DOCK2: variants seen among roughly 807,000 people sequenced by gnomAD.
The protein encoded by DOCK2 is dedicator of cytokinesis protein 2.
Under a neutral mutation model 248.9 loss-of-function variants are expected in DOCK2, and 87 were observed. That is an observed-to-expected ratio of 0.35 (90% CI 0.29 to 0.42). The LOEUF is 0.42. DOCK2 is among the 10% of genes least tolerant of loss of function. DOCK2 has a pLI of 1.00. For synonymous variants in DOCK2, 805 were observed against 821.6 expected, an observed-to-expected ratio of 0.98 and a Z score of 0.35; for missense variants, 1,747 against 2,300.2, an observed-to-expected ratio of 0.76 and a Z score of 4.92.
At chr5:170,038,682 C>G (rs1026443350) in intron 36 of DOCK2, among the ~76,000 whole-genome samples, 2 of 152,194 alleles carry the variant, frequency 1.3e-5, no homozygotes, top group African/African-American at 4.8e-5. Flanking sequence ...CACCTGCCAT[C>G]TGGAGGTGCT....
At chr5:169,703,002 A>G (rs1761070409) in intron 14 of DOCK2, among the ~76,000 whole-genome samples, 1 of 152,206 alleles carries the variant, frequency 6.6e-6, no homozygotes, top group Non-Finnish European at 1.5e-5. Flanking sequence ...ATATTTATAC[A>G]GCATATGTCC....
intron 27 of DOCK2, among the ~76,000 whole-genome samples, chr5:169,914,758 C>T (rs1294907559): frequency 1.3e-5 from 2 of 152,194 alleles, no homozygotes; most frequent in Non-Finnish European, 2.9e-5. Flanking sequence ...GGTCTTTTAG[C>T]CACCTTTGCC....
At chr5:169,849,958 T>A (rs888497307) in intron 27 of DOCK2, among the ~76,000 whole-genome samples, 1 of 152,246 alleles carries the variant, frequency 6.6e-6, no homozygotes, top group Non-Finnish European at 1.5e-5. Context: ...GTTTACTGTC[T>A]ACTTTTATTT....
chr5:170,061,843 G>A (rs892254700), intron 44 of DOCK2, among the ~76,000 whole-genome samples: 4 of 152,266 alleles, frequency 2.6e-5, no homozygotes, highest in African/African-American at 9.6e-5. Flanking sequence ...CAATCTGAGC[G>A]GTGGTGATAG....
intron 22 of DOCK2, among the ~76,000 whole-genome samples, chr5:169,746,247 ACACT>A (rs916666867): frequency 5.3e-5 from 8 of 152,150 alleles, no homozygotes; most frequent in Non-Finnish European, 1.0e-4. Context: ...AGAGTGATTG[ACACT>A]CAAGAAGATA....
chr5:169,890,179 A>G (rs1327470967), intron 27 of DOCK2, among the ~76,000 whole-genome samples: 1 of 152,172 alleles, frequency 6.6e-6, no homozygotes, highest in Non-Finnish European at 1.5e-5. Flanking sequence ...CTCTTCCTCC[A>G]TTTAGCTGGC....
At chr5:169,845,308 G>A (rs1354787605) in intron 27 of DOCK2, among the ~76,000 whole-genome samples, 4 of 151,844 alleles carry the variant, frequency 2.6e-5, no homozygotes, top group Non-Finnish European at 5.9e-5. Context: ...CTTGCCCTGT[G>A]TTCTCCGAGG....
rs949758607 is a variant in DOCK2 at position 169,694,038 on chromosome 5, A to G, written c.844-1765A>G. On this transcript the variant is annotated intron_variant, in intron 9 of 51. Transcript: ENST00000520908. Reference sequence around the variant, plus strand: ...AACAGCTAGGCACCACAACCTAGCCAGGTTGGCATACAAAATTTAACCGTC... The same window carrying G: ...AACAGCTAGGCACCACAACCTAGCCGGGTTGGCATACAAAATTTAACCGTC... 4.6e-5 allele frequency among the ~76,000 whole-genome samples: 7 copies of G among 152,352 alleles called. 1 individual carries two copies. The highest frequency in any genetic ancestry group is 1.3e-4 in the Admixed American group (2 of 15,306).
rs1581578113 is a variant in DOCK2 at position 170,076,178 on chromosome 5, G to A, written c.4866+94G>A. The A allele has an allele frequency of 2.7e-6, 4 of 1,503,302 alleles. No individual in the cohort carries two copies. The South Asian group carries it at 5.1e-5, about 19-fold the overall frequency. The allele number at this position is 1,503,302 out of a possible 1,614,324, so 93.1% of individuals were successfully genotyped here. On this transcript the variant is annotated intron_variant, in intron 47 of 51. Transcript: ENST00000520908. Reference sequence around the variant, plus strand: ...CTGAAGTTGGAGGGGATCCAGCAAAGGAAGCTGCTTCCAAAGAGAAGATAA... The same window carrying A: ...CTGAAGTTGGAGGGGATCCAGCAAAAGAAGCTGCTTCCAAAGAGAAGATAA...
chr5:169,990,580 C>T (rs1295154824), intron 29 of DOCK2, among the ~76,000 whole-genome samples: 2 of 152,186 alleles, frequency 1.3e-5, no homozygotes, highest in Non-Finnish European at 2.9e-5. Context: ...CTGATTCATT[C>T]GAACCTTTTG....
At chr5:169,807,146 A>G (rs955791754) in intron 26 of DOCK2, among the ~76,000 whole-genome samples, 4 of 152,124 alleles carry the variant, frequency 2.6e-5, no homozygotes, top group South Asian at 2.1e-4. Context: ...TGTCCCAAGT[A>G]TTCTGACTGA....
At chr5:169,697,032 G>C (rs1323384422) in intron 10 of DOCK2, among the ~76,000 whole-genome samples, 1 of 152,124 alleles carries the variant, frequency 6.6e-6, no homozygotes, top group African/African-American at 2.4e-5. Flanking sequence ...AGGCAGTAAG[G>C]ATCCTTCAAC....
At chr5:169,927,823 A>C (rs993347508) in intron 27 of DOCK2, among the ~76,000 whole-genome samples, 1 of 152,134 alleles carries the variant, frequency 6.6e-6, no homozygotes, top group African/African-American at 2.4e-5. Flanking sequence ...TCACTGTGTT[A>C]GCCAGGATGG....
intron 34 of DOCK2, among the ~76,000 whole-genome samples, chr5:170,029,946 C>A (rs1756070214): frequency 6.6e-6 from 1 of 152,312 alleles, no homozygotes; most frequent in African/African-American, 2.4e-5. Flanking sequence ...ATGCATGGCC[C>A]TCACTAAACA....
At chr5:169,962,301 T>A (rs1439292970) in intron 27 of DOCK2, among the ~76,000 whole-genome samples, 2 of 152,086 alleles carry the variant, frequency 1.3e-5, no homozygotes, top group Non-Finnish European at 2.9e-5. Context: ...TCTGGCCATA[T>A]GTTATAGGTG....
chr5:170,060,583 G>A (rs578081973), intron 44 of DOCK2, among the ~76,000 whole-genome samples: 12 of 152,242 alleles, frequency 7.9e-5, no homozygotes, highest in Admixed American at 1.3e-4. Context: ...GCATTATTTT[G>A]TATATGAGAA....
At chr5:169,812,933 C>T (rs1429640726) in intron 26 of DOCK2, among the ~76,000 whole-genome samples, 8 of 152,378 alleles carry the variant, frequency 5.3e-5, no homozygotes, top group East Asian at 1.9e-4. Flanking sequence ...TTGGAGCCCT[C>T]GCAGTCTCCA....
At chr5:169,648,918 A>AGC (rs1561904475) in intron 1 of DOCK2, among the ~76,000 whole-genome samples, 1 of 152,074 alleles carries the variant, frequency 6.6e-6, no homozygotes, top group Non-Finnish European at 1.5e-5. Context: ...GCTGCTGACT[A>AGC]GCGCCCGCCC....
chr5:169,998,837 A>G (rs952250212), intron 30 of DOCK2, among the ~76,000 whole-genome samples: 1 of 152,176 alleles, frequency 6.6e-6, no homozygotes, highest in Non-Finnish European at 1.5e-5. Flanking sequence ...GGAACAAAGC[A>G]TATCTCTTTA....
Sources: allele counts gnomAD v4.1 joint callset (sites outside exome capture counted in the v4.1 genomes callset), GRCh38; gene constraint gnomAD v4.1.1; transcripts MANE v1.5; gene names NCBI Gene and HGNC (gene_info 2026-07-23, HGNC 2026-07-21).